Variants in NCAM2 observed in about 807,000 individuals in gnomAD.
NCAM2 encodes the protein N-CAM-2.
NCAM2 carries 30 observed loss-of-function variants against 98.1 expected under a neutral mutation model. The ratio of observed to expected loss-of-function variants is 0.31; its 90% CI spans 0.23 to 0.41. The LOEUF is 0.41. NCAM2 is among the 10% of genes least tolerant of loss of function. NCAM2 has a pLI of 1.00. For synonymous variants in NCAM2, 368 were observed against 342.4 expected (o/e 1.07, Z -0.83); for missense variants, 867 against 1,005.8 (o/e 0.86, Z 1.87).
intron 1 of NCAM2, among the ~76,000 whole-genome samples, chr21:21,040,319 A>G (rs1355370103): frequency 6.6e-6 from 1 of 152,134 alleles, no homozygotes; most frequent in African/African-American, 2.4e-5. Context: ...CCTCACTGCC[A>G]GTTTGAGTTC....
chr21:21,491,582 CATAGAT>C (rs1295442214), intron 15 of NCAM2, among the ~76,000 whole-genome samples: 5 of 151,458 alleles, frequency 3.3e-5, no homozygotes, highest in African/African-American at 7.3e-5. Context: ...TAATTTTTGA[CATAGAT>C]ATAAACAGAA....
At chr21:21,402,226 T>C (rs558231902) in intron 9 of NCAM2, among the ~76,000 whole-genome samples, 3 of 152,082 alleles carry the variant, frequency 2.0e-5, no homozygotes, top group Admixed American at 6.6e-5. Flanking sequence ...TAAACGGACA[T>C]GCAAGTAGGA....
chr21:21,418,668 AAAAC>A, intron 11 of NCAM2, 99 bp downstream of exon 11: 1 of 856,020 alleles, frequency 1.2e-6, no homozygotes, highest in Non-Finnish European at 2.0e-6. Flanking sequence ...TGTGGGATTT[AAAAC>A]AATGGATCTC....
intron 1 of NCAM2, among the ~76,000 whole-genome samples, chr21:21,134,481 G>A (rs1319845867): frequency 6.6e-6 from 1 of 151,960 alleles, no homozygotes; most frequent in African/African-American, 2.4e-5. Flanking sequence ...TTTGTCTATA[G>A]GAGTTAAAGA....
chr21:21,347,521 C>A (rs1421751277), intron 8 of NCAM2, among the ~76,000 whole-genome samples: 1 of 151,864 alleles, frequency 6.6e-6, no homozygotes, highest in Non-Finnish European at 1.5e-5. Context: ...AAAAATCCTC[C>A]ATAAAGAAAA....
intron 1 of NCAM2, among the ~76,000 whole-genome samples, chr21:21,042,620 C>G (rs986310826): frequency 8.5e-5 from 13 of 152,126 alleles, no homozygotes; most frequent in African/African-American, 2.9e-4. Context: ...CTTGCCATCT[C>G]TAAATGAGGA....
chr21:21,280,993 G>T lies in NCAM2; in HGVS notation c.130+341G>T, dbSNP rs951588322. On this transcript the variant is annotated intron_variant, in intron 2 of 17. Transcript: ENST00000400546. ...TGTAGTAGAGACGGGGTTTCACCAT[G>T]TTGGCCAGGCTGGTCTCAAACTTCT... 4.6e-5 allele frequency among the ~76,000 whole-genome samples: 7 copies of T among 152,130 alleles called. No homozygotes were observed. In the East Asian group the frequency reaches 1.4e-3, roughly 29 times the overall value.
rs182230341 is a variant in NCAM2, at chr21:21,009,631, A to G, written c.55+11013A>G. Among the ~76,000 whole-genome samples the G allele has an allele frequency of 4.2e-3, 633 of 152,144 alleles. 3 individuals carry two copies. The highest frequency in any genetic ancestry group is 0.017 in the Middle Eastern group (5 of 294). The stretch of plus-strand genomic sequence containing the variant: ...TAATTAACTAGATTAGATATGGTCA[A>G]TAGTAAATGTCTGCTGTGTCGATAA... On this transcript the variant is annotated intron_variant, in intron 1 of 17. Coordinates refer to ENST00000400546, the MANE Select transcript of NCAM2 (RefSeq NM_004540.5).
At chr21:21,365,963 G>C (rs539297623) in intron 8 of NCAM2, among the ~76,000 whole-genome samples, 1 of 50,744 alleles carries the variant, frequency 2.0e-5, no homozygotes, top group African/African-American at 8.1e-5. Context: ...GCTTTGTACT[G>C]TTTCCCGTTT....
chr21:21,409,632 C>G (rs994891065), intron 9 of NCAM2, among the ~76,000 whole-genome samples: 1 of 152,096 alleles, frequency 6.6e-6, no homozygotes, highest in Non-Finnish European at 1.5e-5. Context: ...AGTTTCTACA[C>G]AAGTAGATAG....
At chr21:21,348,521 A>G (rs1363996156) in intron 8 of NCAM2, among the ~76,000 whole-genome samples, 2 of 152,108 alleles carry the variant, frequency 1.3e-5, no homozygotes, top group Non-Finnish European at 2.9e-5. Flanking sequence ...TGTCCATATT[A>G]CCCAAAGCAA....
intron 1 of NCAM2, among the ~76,000 whole-genome samples, chr21:21,114,431 C>T (rs982086118): frequency 2.6e-5 from 4 of 152,114 alleles, no homozygotes; most frequent in Non-Finnish European, 5.9e-5. Context: ...GAATGTGTTT[C>T]TAAAATTGTT....
chr21:21,076,687 T>C (rs535989847), intron 1 of NCAM2, among the ~76,000 whole-genome samples: 2 of 152,294 alleles, frequency 1.3e-5, no homozygotes, highest in Admixed American at 6.5e-5. Flanking sequence ...TGTAGCATAC[T>C]CACAACTAAC....
chr21:21,098,813 A>T (rs2066178703), intron 1 of NCAM2, among the ~76,000 whole-genome samples: 2 of 151,830 alleles, frequency 1.3e-5, no homozygotes, highest in South Asian at 4.1e-4. Flanking sequence ...GATGGCAGCA[A>T]TTTTTTTTAA....
chr21:21,124,218 C>G (rs2066739573), intron 1 of NCAM2, among the ~76,000 whole-genome samples: 1 of 152,130 alleles, frequency 6.6e-6, no homozygotes, highest in Non-Finnish European at 1.5e-5. Context: ...AATTAATCAA[C>G]ATGGTGGCAG....
intron 1 of NCAM2, among the ~76,000 whole-genome samples, chr21:21,121,111 A>T (rs1002518479): frequency 1.3e-5 from 2 of 152,166 alleles, no homozygotes; most frequent in African/African-American, 4.8e-5. Context: ...ACTTCACATG[A>T]TCATTATTTA....
intron 1 of NCAM2, among the ~76,000 whole-genome samples, chr21:21,065,056 TATA>T (rs1168375823): frequency 3.9e-5 from 6 of 151,942 alleles, no homozygotes; most frequent in Non-Finnish European, 5.9e-5. Context: ...AGTGCAAGCC[TATA>T]ATACCAGCTA....
chr21:21,533,545 A>C (rs1694364075), intron 16 of NCAM2, among the ~76,000 whole-genome samples: 1 of 151,958 alleles, frequency 6.6e-6, no homozygotes, highest in Non-Finnish European at 1.5e-5. Flanking sequence ...TTATTGAAAG[A>C]CAAGTTGGTT....
At chr21:21,205,533 CT>C (rs919350213) in intron 1 of NCAM2, among the ~76,000 whole-genome samples, 5 of 151,924 alleles carry the variant, frequency 3.3e-5, no homozygotes, top group South Asian at 4.1e-4. Context: ...AAAGCCTACA[CT>C]TTTTTTCATT....
Sources: gnomAD v4.1 joint callset for allele counts (sites outside exome capture counted in the v4.1 genomes callset) on GRCh38, gnomAD v4.1.1 for gene constraint, MANE v1.5 for transcripts, NCBI Gene and HGNC (gene_info 2026-07-23, HGNC 2026-07-21) for gene names.